Variants in TMEM233 observed in about 807,000 individuals in gnomAD.
TMEM233 encodes transmembrane protein 233.
A neutral mutation model predicts 11.2 loss-of-function variants in TMEM233; 6 were observed. That is an observed-to-expected ratio of 0.54 (90% CI 0.29 to 1.06). The LOEUF is 1.06. TMEM233 is among the 50% of genes least tolerant of loss of function. The pLI is 0.08. For synonymous variants in TMEM233, 59 were observed against 55.8 expected (o/e 1.06, Z -0.26); for missense variants, 127 against 144.7 (o/e 0.88, Z 0.63).
At chr12:119,613,577 G>T (rs1161910341) in intron 1 of TMEM233, among the ~76,000 whole-genome samples, 1 of 152,190 alleles carries the variant, frequency 6.6e-6, no homozygotes, top group East Asian at 1.9e-4. Context: ...ACTTTCGGAG[G>T]CTGAGGCAGG....
At chr12:119,605,425 T>C (rs1954257018) in intron 1 of TMEM233, among the ~76,000 whole-genome samples, 1 of 51,968 alleles carries the variant, frequency 1.9e-5, no homozygotes, top group Non-Finnish European at 4.1e-5. Context: ...TTTTTTTTTT[T>C]TTTTTTTTTT....
At chr12:119,633,589 A>G (rs1954925441) in intron 2 of TMEM233, among the ~76,000 whole-genome samples, 1 of 152,144 alleles carries the variant, frequency 6.6e-6, no homozygotes, top group South Asian at 2.1e-4. Context: ...CCTGTCTCAA[A>G]AACTAAATAA....
chr12:119,627,275 A>C (rs1040592815), intron 1 of TMEM233, among the ~76,000 whole-genome samples: 3 of 152,244 alleles, frequency 2.0e-5, no homozygotes, highest in African/African-American at 7.2e-5. Context: ...TGCAGGCCCT[A>C]CATTCTCTGG....
chr12:119,604,971 T>C (rs1954239766), intron 1 of TMEM233, among the ~76,000 whole-genome samples: 1 of 149,754 alleles, frequency 6.7e-6, no homozygotes, highest in South Asian at 2.1e-4. Context: ...AGCCAAACTT[T>C]TGCTAATTTC....
chr12:119,607,541 G>T (rs946925426), intron 1 of TMEM233, among the ~76,000 whole-genome samples: 1 of 151,838 alleles, frequency 6.6e-6, no homozygotes, highest in Admixed American at 6.5e-5. Flanking sequence ...AGTCTGAAAT[G>T]AGCATTTTTC....
intron 2 of TMEM233, among the ~76,000 whole-genome samples, chr12:119,638,500 C>T (rs1011656072): frequency 5.9e-5 from 9 of 152,160 alleles, no homozygotes; most frequent in African/African-American, 2.2e-4. Flanking sequence ...AAACAATGCC[C>T]AGGGCCCACC....
At chr12:119,630,653 G>A (rs368908699) in intron 2 of TMEM233, among the ~76,000 whole-genome samples, 37 of 152,328 alleles carry the variant, frequency 2.4e-4, no homozygotes, top group South Asian at 6.2e-4. Context: ...AGGCAAAGGC[G>A]GGGGAGAGGA....
Position 119,624,324 on chromosome 12 carries a change from C to T in TMEM233, c.187-5412C>T, listed in dbSNP as rs114647999. ...GCAGTGAGCCAAGATTGTGCCACTCCGCTCCAACCTGGGTGACAGAATGAG... is the reference window on the plus strand; with the variant it reads ...GCAGTGAGCCAAGATTGTGCCACTCTGCTCCAACCTGGGTGACAGAATGAG... On this transcript the variant is annotated intron_variant, in intron 1 of 2. Transcript: ENST00000426426. Among the ~76,000 whole-genome samples the T allele has an allele frequency of 4.6e-3, 704 of 151,698 alleles. 7 individuals are homozygous for T. The highest frequency in any genetic ancestry group is 0.016 in the African/African-American group (674 of 41,294).
At chr12:119,633,564 A>G in intron 2 of TMEM233, among the ~76,000 whole-genome samples, 1 of 152,180 alleles carries the variant, frequency 6.6e-6, no homozygotes, top group African/African-American at 2.4e-5. Flanking sequence ...TCTAGCCTAC[A>G]TGACAGAGTG....
intron 2 of TMEM233, 113 bp from the exon 3 acceptor site, chr12:119,640,586 T>C (rs1955066036): frequency 8.4e-7 from 1 of 1,187,096 alleles, no homozygotes; most frequent in Non-Finnish European, 1.2e-6. Context: ...CATTTCAACA[T>C]GTGTTTAACC....
At chr12:119,603,023 G>A (rs188498770) in intron 1 of TMEM233, among the ~76,000 whole-genome samples, 1 of 152,290 alleles carries the variant, frequency 6.6e-6, no homozygotes. Flanking sequence ...AGGAGGCTGA[G>A]GCGGGTGGAC....
chr12:119,640,678 C>A, intron 2 of TMEM233, 21 bp from the exon 3 acceptor site: 1 of 1,550,066 alleles, frequency 6.5e-7, no homozygotes, highest in Non-Finnish European at 8.7e-7. Flanking sequence ...TTCTCTCTCT[C>A]TCTCTGTCTG....
At chr12:119,648,805 C>CA in the TMEM233 span, among the ~76,000 whole-genome samples, 1 of 152,130 alleles carries the variant, frequency 6.6e-6, no homozygotes, top group East Asian at 1.9e-4. Context: ...AAAACTGAGT[C>CA]AAAGCTTCCT....
At chr12:119,628,389 G>C (rs1330798700) in intron 1 of TMEM233, among the ~76,000 whole-genome samples, 2 of 151,560 alleles carry the variant, frequency 1.3e-5, no homozygotes, top group Non-Finnish European at 2.9e-5. Flanking sequence ...TTGAACTCCT[G>C]ACCTCAGGTG....
chr12:119,643,253 C>A (rs1955110140), downstream of TMEM233, among the ~76,000 whole-genome samples: 1 of 152,164 alleles, frequency 6.6e-6, no homozygotes, highest in Non-Finnish European at 1.5e-5. Flanking sequence ...CTCTATGAGG[C>A]ACTGAAAATG....
chr12:119,637,311 C>A (rs1954985079), intron 2 of TMEM233, among the ~76,000 whole-genome samples: 1 of 152,194 alleles, frequency 6.6e-6, no homozygotes, highest in South Asian at 2.1e-4. Context: ...CAACAACAGC[C>A]TTTGTGCTCC....
At chr12:119,636,638 A>G (rs1309850228) in intron 2 of TMEM233, among the ~76,000 whole-genome samples, 1 of 152,156 alleles carries the variant, frequency 6.6e-6, no homozygotes, top group Non-Finnish European at 1.5e-5. Context: ...TCTCATTGAG[A>G]TTAGGCTCAT....
chr12:119,617,231 A>C (rs1954555659), intron 1 of TMEM233, among the ~76,000 whole-genome samples: 2 of 152,188 alleles, frequency 1.3e-5, no homozygotes, highest in African/African-American at 2.4e-5. Context: ...AGATGTAGGA[A>C]AGTTTAGAAC....
intron 1 of TMEM233, among the ~76,000 whole-genome samples, chr12:119,602,354 G>A (rs927917847): frequency 1.3e-5 from 2 of 152,180 alleles, no homozygotes; most frequent in African/African-American, 4.8e-5. Context: ...CTGATTCATT[G>A]GATCTCTCCC....
Sources: allele counts gnomAD v4.1 joint callset (sites outside exome capture counted in the v4.1 genomes callset), GRCh38; gene constraint gnomAD v4.1.1; transcripts MANE v1.5; gene names NCBI Gene and HGNC (gene_info 2026-07-23, HGNC 2026-07-21).